EML1: variants seen among roughly 807,000 people sequenced by gnomAD.
EML1 encodes EMAP like 1.
EML1 carries 27 observed loss-of-function variants against 110.4 expected under a neutral mutation model. The observed-to-expected ratio is 0.24, with a 90% CI of 0.18 to 0.34. The LOEUF (loss-of-function observed/expected upper bound fraction) is 0.34. Ranked by LOEUF, EML1 falls within the 10% of genes least tolerant of loss-of-function variation. EML1 has a pLI of 1.00. For synonymous variants in EML1, 344 were observed against 385.8 expected (o/e 0.89, Z 1.27); for missense variants, 741 against 1,030.9 (o/e 0.72, Z 3.85).
chr14:99,888,130 A>G (rs1428798935), intron 4 of EML1, among the ~76,000 whole-genome samples: 2 of 152,222 alleles, frequency 1.3e-5, no homozygotes, highest in African/African-American at 2.4e-5. Context: ...TTAGAGCATG[A>G]TTTAAAGAAA....
intron 8 of EML1, among the ~76,000 whole-genome samples, chr14:99,900,538 G>A (rs2059747161): frequency 6.6e-6 from 1 of 152,116 alleles, no homozygotes; most frequent in Admixed American, 6.5e-5. Flanking sequence ...ATTTAGGCAT[G>A]GTGACACCTT....
chr14:99,834,896 T>C (rs2058514259), intron 1 of EML1, among the ~76,000 whole-genome samples: 1 of 152,196 alleles, frequency 6.6e-6, no homozygotes, highest in Non-Finnish European at 1.5e-5. Flanking sequence ...CTTGGCTCAC[T>C]GCAACCTCTA....
At chr14:99,843,662 C>T (rs2058666475) in intron 1 of EML1, among the ~76,000 whole-genome samples, 1 of 152,194 alleles carries the variant, frequency 6.6e-6, no homozygotes, top group Middle Eastern at 3.2e-3. Context: ...AGCTTGACTC[C>T]ATAGTCCGTG....
chr14:99,749,231 C>T (rs541685336), intron 1 of EML1, among the ~76,000 whole-genome samples: 5 of 152,328 alleles, frequency 3.3e-5, no homozygotes, highest in South Asian at 2.1e-4. Flanking sequence ...TTTGAGGAAC[C>T]GCCAGGCTGT....
At chr14:99,811,640 CAAAAA>C (rs71113224) in intron 1 of EML1, among the ~76,000 whole-genome samples, 18 of 120,006 alleles carry the variant, frequency 1.5e-4, no homozygotes, top group Admixed American at 2.6e-4. Context: ...CTGTCTCTAC[CAAAAA>C]AAAAAAAAAA....
At position 99,743,968 on chromosome 14, in the gene EML1, C is replaced by A. The variant is rs566240242; in HGVS notation, c.28+6108C>A. On this transcript the variant is annotated intron_variant, in intron 1 of 10. Transcript: ENST00000554479. ...AGCTTTTGCATTTAGCATTTGCAAC[C>A]ATTTCACTATTTTTTTTCTTGAAAT... 2.0e-5 allele frequency among the ~76,000 whole-genome samples: 3 copies of A among 152,162 alleles called. No individual in the cohort carries two copies. In the East Asian group the frequency reaches 5.8e-4, roughly 29 times the overall value.
At chr14:99,906,531 T>C (rs2059850049) in intron 9 of EML1, among the ~76,000 whole-genome samples, 1 of 152,188 alleles carries the variant, frequency 6.6e-6, no homozygotes, top group South Asian at 2.1e-4. Context: ...GTCACTCTTG[T>C]TGCCATCTTG....
chr14:99,766,826 A>G (rs2057373286), intron 1 of EML1, among the ~76,000 whole-genome samples: 2 of 152,338 alleles, frequency 1.3e-5, no homozygotes, highest in East Asian at 1.9e-4. Context: ...TAAATGACCA[A>G]TGCTTTTCTT....
At chr14:99,789,209 C>T (rs1303509793), upstream of EML1, among the ~76,000 whole-genome samples, 2 of 151,870 alleles carry the variant, frequency 1.3e-5, no homozygotes, top group Admixed American at 1.3e-4. Context: ...TCTTTTTATT[C>T]ATTTATTTAT....
intron 13 of EML1, among the ~76,000 whole-genome samples, chr14:99,911,865 T>G (rs1051125593): frequency 3.9e-5 from 6 of 152,100 alleles, no homozygotes; most frequent in African/African-American, 1.4e-4. Context: ...AAAATCTGTC[T>G]TCTCTTTTAA....
intron 16 of EML1, among the ~76,000 whole-genome samples, chr14:99,919,004 G>A (rs10136409): frequency 0.34 from 51,269 of 151,958 alleles, 9,748 homozygotes; most frequent in Non-Finnish European, 0.44. Context: ...TCTTTGAGCC[G>A]GTTACATAAG....
intron 1 of EML1, among the ~76,000 whole-genome samples, chr14:99,799,858 A>G (rs886289007): frequency 6.6e-6 from 1 of 152,218 alleles, no homozygotes; most frequent in East Asian, 1.9e-4. Flanking sequence ...CTATAAAACT[A>G]GTAGCGTGAA....
At chr14:99,927,107 T>C (rs561833590) in intron 17 of EML1, among the ~76,000 whole-genome samples, 2 of 152,340 alleles carry the variant, frequency 1.3e-5, no homozygotes, top group South Asian at 2.1e-4. Context: ...CAAATCAGCA[T>C]TGATGTCTTA....
chr14:99,802,842 A>G (rs2057906899), intron 1 of EML1, among the ~76,000 whole-genome samples: 1 of 152,040 alleles, frequency 6.6e-6, no homozygotes, highest in Non-Finnish European at 1.5e-5. Flanking sequence ...CACCCAGGGG[A>G]AATTAGACAT....
chr14:99,764,949 G>A (rs908063302), intron 1 of EML1, among the ~76,000 whole-genome samples: 6 of 151,828 alleles, frequency 4.0e-5, no homozygotes, highest in South Asian at 4.2e-4. Context: ...TGTTGTTGTC[G>A]TTTTTAGAGA....
At chr14:99,889,405 T>C (rs2059546833) in intron 4 of EML1, among the ~76,000 whole-genome samples, 1 of 152,080 alleles carries the variant, frequency 6.6e-6, no homozygotes, top group South Asian at 2.1e-4. Context: ...CTGTCTATTG[T>C]CCAAGGCCCT....
intron 1 of EML1, among the ~76,000 whole-genome samples, chr14:99,849,535 ATATT>A (rs1011887178): frequency 2.1e-5 from 3 of 140,334 alleles, no homozygotes; most frequent in South Asian, 2.3e-4. Context: ...GTGTGTATAT[ATATT>A]TATTTATTTA....
chr14:99,859,854 A>G lies in EML1; in HGVS notation c.251-5660A>G, dbSNP rs560879214. ...ATATTCACGATACAAAATTGCACCCATTGTCCACAACAGAGCATTTTATTG... is the reference window on the plus strand; with the variant it reads ...ATATTCACGATACAAAATTGCACCCGTTGTCCACAACAGAGCATTTTATTG... On this transcript the variant is annotated intron_variant, in intron 2 of 21. Transcript: ENST00000262233. Among the ~76,000 whole-genome samples, 7 of 152,250 alleles carry G rather than the reference A, an allele frequency of 4.6e-5. No homozygotes were observed. The East Asian group carries it at 7.7e-4, about 17-fold the overall frequency.
intron 1 of EML1, among the ~76,000 whole-genome samples, chr14:99,831,389 A>G (rs145709981): frequency 1.8e-3 from 270 of 152,304 alleles, no homozygotes; most frequent in South Asian, 0.013. Flanking sequence ...GGTACCCTGG[A>G]AAGGCATGGG....
Sources: gnomAD v4.1 joint callset for allele counts (sites outside exome capture counted in the v4.1 genomes callset) on GRCh38, gnomAD v4.1.1 for gene constraint, MANE v1.5 for transcripts, NCBI Gene and HGNC (gene_info 2026-07-23, HGNC 2026-07-21) for gene names.